DCHS2: variants seen among roughly 807,000 people sequenced by gnomAD.
The protein encoded by DCHS2 is dachsous cadherin-related 2, also known as protocadherin-23.
In DCHS2, 142 loss-of-function variants were observed where a neutral mutation model predicts 182.4. The ratio of observed to expected loss-of-function variants is 0.78; its 90% CI spans 0.68 to 0.89. The LOEUF (loss-of-function observed/expected upper bound fraction) is 0.89, where lower values mean the gene tolerates loss of function less well. Ranked by LOEUF, DCHS2 falls within the 40% of genes least tolerant of loss-of-function variation. DCHS2 has a pLI of 0.00. For synonymous variants in DCHS2, 1,740 were observed against 1,663.3 expected, an observed-to-expected ratio of 1.05 and a Z score of -1.12; for missense variants, 4,319 against 4,198.6, an observed-to-expected ratio of 1.03 and a Z score of -0.79.
chr4:154,416,964 C>T (rs1732857300), intron 1 of DCHS2, among the ~76,000 whole-genome samples: 2 of 152,130 alleles, frequency 1.3e-5, no homozygotes, highest in African/African-American at 4.8e-5. Context: ...CTGTCTGTCC[C>T]CGTCACTCCC....
In DCHS2 at chr4:154,305,097, C is replaced by T; in HGVS notation, c.5395G>A (p.Val1799Ile). 6.2e-7 allele frequency: 1 copy of T among 1,604,380 alleles called. No homozygotes were observed. The highest frequency in any genetic ancestry group is 8.5e-7 in the Non-Finnish European group (1 of 1,177,538). The change falls in exon 11 of 20, where the codon GTA (valine) becomes ATA (isoleucine). Residue 1799 changes from valine (V) to isoleucine (I), a missense_variant and splice_region_variant. Val to Ile is a conservative substitution (Grantham distance 29, BLOSUM62 3). Transcript: ENST00000357232. Reference sequence around the variant, plus strand: ...TTAGCCTACTCAAAGAATCCCTTACCTCGAAGGGTGAAGACTTCTTGAATT... The same window carrying T: ...TTAGCCTACTCAAAGAATCCCTTACTTCGAAGGGTGAAGACTTCTTGAATT... ...REIQEVFTLR[V>I]LVRDGGFPSL...
At chr4:154,432,723 T>C (rs558228047) in intron 1 of DCHS2, among the ~76,000 whole-genome samples, 2 of 152,188 alleles carry the variant, frequency 1.3e-5, no homozygotes, top group Admixed American at 1.3e-4. Flanking sequence ...TCCTAACCCT[T>C]CTCCACTAGG....
rs149566900 is a variant in DCHS2 at position 154,402,226 on chromosome 4, T to C, written c.2053-24782A>G. Among the ~76,000 whole-genome samples, 8 of 152,330 alleles carry C rather than the reference T, an allele frequency of 5.3e-5. No homozygotes were observed. In the East Asian group the frequency reaches 1.5e-3, roughly 29 times the overall value. On this transcript the variant is annotated intron_variant, in intron 1 of 19. Transcript: ENST00000357232. ...GATATCTTTCTGCACTCTAATTCTGTTCCACTGAATTATTTGTCTTTCTTA... is the reference window on the plus strand; with the variant it reads ...GATATCTTTCTGCACTCTAATTCTGCTCCACTGAATTATTTGTCTTTCTTA...
At chr4:154,473,924 T>C (rs1250335831) in intron 1 of DCHS2, among the ~76,000 whole-genome samples, 1 of 152,182 alleles carries the variant, frequency 6.6e-6, no homozygotes, top group Non-Finnish European at 1.5e-5. Context: ...TACCACAAAC[T>C]AACTGGCTTG....
intron 3 of DCHS2, among the ~76,000 whole-genome samples, chr4:154,344,818 G>A (rs1048298592): frequency 3.9e-5 from 6 of 152,168 alleles, no homozygotes; most frequent in Admixed American, 2.0e-4. Flanking sequence ...GCAGAGCTAC[G>A]TTCAAACCTT....
chr4:154,352,320 C>T (rs1729659061), intron 3 of DCHS2: 1 of 152,158 alleles, frequency 6.6e-6, no homozygotes, highest in South Asian at 2.1e-4. Flanking sequence ...TTGCTTTATC[C>T]TCATTCTCTG....
rs1468682128 is a variant in DCHS2, at chr4:154,233,530, AT to A, written c.*1005del. Reference sequence around the variant, plus strand: ...TAAAAATATATTGCTAAATTACTCTATGAGATTTATCATTAGCTAATGACAT... The same window carrying A: ...TAAAAATATATTGCTAAATTACTCTAGAGATTTATCATTAGCTAATGACAT... On this transcript the variant is annotated 3_prime_UTR_variant, in exon 20 of 20. Transcript: ENST00000357232. The A allele has an allele frequency of 6.6e-6, 1 of 152,204 alleles. No individual in the cohort carries two copies. Among genetic ancestry groups the A allele is most frequent in the Non-Finnish European group, 1.5e-5 (1 of 68,024 alleles). The allele number at this position is 152,204 out of a possible 1,614,324, so 9.4% of individuals were successfully genotyped here.
chr4:154,339,624 A>T (rs1728971117), intron 3 of DCHS2, among the ~76,000 whole-genome samples: 1 of 151,864 alleles, frequency 6.6e-6, no homozygotes, highest in African/African-American at 2.4e-5. Flanking sequence ...TAATTTTTGT[A>T]TTTTTAGTAG....
chr4:154,374,013 A>AC, intron 2 of DCHS2: 2 of 1,457,158 alleles, frequency 1.4e-6, no homozygotes, highest in African/African-American at 1.4e-5. Flanking sequence ...AAAAAAAAAA[A>AC]AAAAAAAAAA....
intron 8 of DCHS2, among the ~76,000 whole-genome samples, chr4:154,321,638 A>G (rs1270173276): frequency 6.6e-6 from 1 of 152,212 alleles, no homozygotes; most frequent in African/African-American, 2.4e-5. Context: ...TTTGTCTGAA[A>G]CAAGAAACTG....
chr4:154,377,534 A>G, intron 1 of DCHS2, 90 bp from the exon 2 acceptor site: 1 of 1,027,986 alleles, frequency 9.7e-7, no homozygotes, highest in Non-Finnish European at 1.4e-6. Flanking sequence ...TTGCACAACC[A>G]CATAACCCCC....
chr4:154,252,941 C>T (rs114350717), intron 16 of DCHS2, among the ~76,000 whole-genome samples: 1,670 of 152,162 alleles, frequency 0.011, 34 homozygotes, highest in African/African-American at 0.036. Flanking sequence ...AATAGCAATA[C>T]TTCAAAAGTA....
chr4:154,438,919 G>T (rs1733886750), intron 1 of DCHS2, among the ~76,000 whole-genome samples: 1 of 152,048 alleles, frequency 6.6e-6, no homozygotes, highest in African/African-American at 2.4e-5. Flanking sequence ...TAAAGAGTTG[G>T]GCTCATGTCC....
At position 154,234,965 on chromosome 4, in the gene DCHS2, T is replaced by C. The variant is rs186221155; in HGVS notation, c.9687A>G (p.Lys3229=). The C allele has an allele frequency of 6.5e-5, 105 of 1,614,104 alleles. No homozygotes were observed. The highest frequency in any genetic ancestry group is 5.0e-4 in the Middle Eastern group (3 of 6,058). The change falls in exon 20 of 20, where the codon AAA becomes AAG. Residue 3229 remains lysine, a synonymous_variant. Coordinates refer to ENST00000357232, the MANE Select transcript of DCHS2 (RefSeq NM_001358235.2). ...GAAGATAATTCCAGTGATAGTTGTC[T>C]TTTCCATCATGATCAGAGGTCGTCT... ...STQTTSDHDG[K]DNYHWNYLLS...
At chr4:154,484,687 T>C (rs1728514037) in intron 1 of DCHS2, among the ~76,000 whole-genome samples, 1 of 152,252 alleles carries the variant, frequency 6.6e-6, no homozygotes, top group African/African-American at 2.4e-5. Flanking sequence ...ATTTCCCTAA[T>C]GGGCTATGAA....
At chr4:154,359,139 AC>A (rs1730004920) in intron 3 of DCHS2, among the ~76,000 whole-genome samples, 1 of 151,922 alleles carries the variant, frequency 6.6e-6, no homozygotes, top group Admixed American at 6.6e-5. Flanking sequence ...ACTTTAAAAA[AC>A]GTCATTAATT....
chr4:154,234,480 A>C lies in DCHS2; in HGVS notation c.*56T>G. 6.8e-7 allele frequency: 1 copy of C among 1,473,352 alleles called. No individual in the cohort carries two copies. Among genetic ancestry groups the C allele is most frequent in the African/African-American group, 1.4e-5 (1 of 70,940 alleles). The allele number at this position is 1,473,352 out of a possible 1,614,324, so 91.3% of individuals were successfully genotyped here. ...AATCTCGAGTTGCTGGCTTGAAAAC[A>C]TTTTGTTCATTCATTCATGACCAAT... On this transcript the variant is annotated 3_prime_UTR_variant, in exon 20 of 20. Coordinates refer to ENST00000357232, the MANE Select transcript of DCHS2 (RefSeq NM_001358235.2).
At chr4:154,457,974 C>CT (rs1734843742) in intron 1 of DCHS2, among the ~76,000 whole-genome samples, 2 of 152,250 alleles carry the variant, frequency 1.3e-5, no homozygotes, top group East Asian at 1.9e-4. Context: ...TTTTGTTTAA[C>CT]TTTTTTTCCT....
At chr4:154,454,333 T>A (rs1310265618) in intron 1 of DCHS2, among the ~76,000 whole-genome samples, 1 of 152,108 alleles carries the variant, frequency 6.6e-6, no homozygotes, top group Admixed American at 6.5e-5. Context: ...AGCCTCATAC[T>A]CCTGAGCTCA....
Sources: gnomAD v4.1 joint callset for allele counts (sites outside exome capture counted in the v4.1 genomes callset) on GRCh38, gnomAD v4.1.1 for gene constraint, MANE v1.5 for transcripts, NCBI Gene and HGNC (gene_info 2026-07-23, HGNC 2026-07-21) for gene names.